The following RALB variants were observed in gnomAD, a reference collection of about 807,000 sequenced individuals.
RALB encodes the protein ras-related protein Ral-B.
A neutral mutation model predicts 21.3 loss-of-function variants in RALB; 16 were observed. That is an observed-to-expected ratio of 0.75 (90% CI 0.51 to 1.14). The LOEUF (loss-of-function observed/expected upper bound fraction) is 1.14, where lower values mean the gene tolerates loss of function less well. RALB is among the 50% of genes most tolerant of loss of function. The pLI, the probability that RALB is intolerant of heterozygous loss-of-function variation, is 0.00. For missense variants in RALB, 161 were observed against 256.2 expected (o/e 0.63, Z 2.54); for synonymous variants, 93 against 96.1 (o/e 0.97, Z 0.19).
intron 1 of RALB, among the ~76,000 whole-genome samples, chr2:120,256,514 G>A (rs1216637885): frequency 6.6e-6 from 1 of 152,080 alleles, no homozygotes; most frequent in Non-Finnish European, 1.5e-5. Flanking sequence ...TCCTGATAGT[G>A]AGTTCTCACG....
At chr2:120,250,829 C>T (rs1037950623), upstream of RALB, among the ~76,000 whole-genome samples, 13 of 152,136 alleles carry the variant, frequency 8.5e-5, 1 homozygote, top group East Asian at 5.8e-4. Context: ...CTATTGGTGT[C>T]CTGTGTGAGA....
intron 1 of RALB, among the ~76,000 whole-genome samples, chr2:120,262,406 G>T (rs1573330406): frequency 6.6e-6 from 1 of 152,178 alleles, no homozygotes; most frequent in Non-Finnish European, 1.5e-5. Flanking sequence ...CTTAGAAGAG[G>T]TGGAGGCTCT....
chr2:120,280,527 A>G (rs1010920371), intron 2 of RALB, among the ~76,000 whole-genome samples: 3 of 145,532 alleles, frequency 2.1e-5, no homozygotes, highest in East Asian at 2.1e-4. Flanking sequence ...AGGGAGGGGA[A>G]CATCACATGC....
At chr2:120,251,159 C>T (rs574584213), upstream of RALB, among the ~76,000 whole-genome samples, 175 of 152,330 alleles carry the variant, frequency 1.1e-3, no homozygotes, top group African/African-American at 3.5e-3. Context: ...GTTCCCTCAA[C>T]TATCATACCC....
At chr2:120,253,262 C>A in intron 1 of RALB, 1 of 501,424 alleles carries the variant, frequency 2.0e-6, no homozygotes, top group Non-Finnish European at 2.6e-6. Context: ...CCTTCCCTAT[C>A]CCGCAGATGG....
chr2:120,267,662 G>A (rs550491353), intron 1 of RALB, among the ~76,000 whole-genome samples: 1 of 152,342 alleles, frequency 6.6e-6, no homozygotes, highest in East Asian at 1.9e-4. Context: ...TCCAGAAGCG[G>A]CAGCTGCTCC....
intron 1 of RALB, among the ~76,000 whole-genome samples, chr2:120,247,017 C>A (rs1383878712): frequency 1.3e-5 from 2 of 152,202 alleles, no homozygotes; most frequent in Non-Finnish European, 2.9e-5. Context: ...ACTTGAATCT[C>A]ATTTTATCTC....
At chr2:120,279,559 G>A (rs1159257610) in intron 2 of RALB, among the ~76,000 whole-genome samples, 1 of 152,176 alleles carries the variant, frequency 6.6e-6, no homozygotes, top group Non-Finnish European at 1.5e-5. Flanking sequence ...GTAATCTAGA[G>A]ATGATTTAAA....
chr2:120,282,897 T>C (rs949509636), intron 2 of RALB, among the ~76,000 whole-genome samples: 1 of 152,208 alleles, frequency 6.6e-6, no homozygotes. Context: ...ATTGTGCATT[T>C]GAAATGTGGC....
chr2:120,258,294 A>T (rs1462169188), intron 1 of RALB, among the ~76,000 whole-genome samples: 1 of 152,056 alleles, frequency 6.6e-6, no homozygotes, highest in Non-Finnish European at 1.5e-5. Context: ...TCTGCTGCAG[A>T]TAGCTGTGAA....
intron 1 of RALB, among the ~76,000 whole-genome samples, chr2:120,269,610 A>G (rs765092732): frequency 6.6e-6 from 1 of 152,194 alleles, no homozygotes; most frequent in Non-Finnish European, 1.5e-5. Flanking sequence ...GGTGCGTTTT[A>G]CAATCCTAGC....
upstream of RALB, among the ~76,000 whole-genome samples, chr2:120,251,879 G>A (rs1233336703): frequency 6.6e-6 from 1 of 152,134 alleles, no homozygotes; most frequent in Non-Finnish European, 1.5e-5. Flanking sequence ...CTGATGGAGG[G>A]ACTGGATCTG....
chr2:120,267,106 A>G (rs1348238705), intron 1 of RALB, among the ~76,000 whole-genome samples: 1 of 152,230 alleles, frequency 6.6e-6, no homozygotes, highest in East Asian at 1.9e-4. Context: ...GCACAGAGGT[A>G]CAGACCAGAA....
intron 1 of RALB, among the ~76,000 whole-genome samples, chr2:120,264,895 C>T (rs1407158069): frequency 2.0e-5 from 3 of 152,164 alleles, no homozygotes; most frequent in African/African-American, 4.8e-5. Context: ...CTTAGTATAA[C>T]GTCTTTAAGG....
chr2:120,278,727 C>T lies in RALB; in HGVS notation c.63C>T (p.Gly21=). 5.6e-6 allele frequency: 9 copies of T among 1,595,000 alleles called. No individual in the cohort carries two copies. Among genetic ancestry groups the T allele is most frequent in the East Asian group, 2.3e-5 (1 of 43,468 alleles). ...CCCTCCACAAGGTGATCATGGTTGG[C>T]AGCGGAGGCGTTGGCAAGTCAGCCC... The part of the protein sequence containing the change: ...SLALHKVIMV[G]SGGVGKSALT... Residue 21 remains glycine (G), a synonymous_variant, in exon 2 of 5, where the codon GGC becomes GGT. Transcript: ENST00000272519.
At chr2:120,270,319 C>G (rs1689630773) in intron 1 of RALB, among the ~76,000 whole-genome samples, 1 of 152,088 alleles carries the variant, frequency 6.6e-6, no homozygotes, top group South Asian at 2.1e-4. Context: ...AAAAAAATAA[C>G]AGGAAGTTGA....
chr2:120,246,834 T>G (rs371984385), intron 1 of RALB, among the ~76,000 whole-genome samples: 172 of 148,444 alleles, frequency 1.2e-3, no homozygotes, highest in African/African-American at 4.0e-3. Flanking sequence ...CCGCTGCGTC[T>G]GGTGTGGAGG....
chr2:120,291,153 C>T (rs762819434), intron 4 of RALB, among the ~76,000 whole-genome samples: 9 of 152,086 alleles, frequency 5.9e-5, no homozygotes, highest in African/African-American at 9.7e-5. Context: ...AGACGCACTT[C>T]GGCAAGATAC....
intron 1 of RALB, among the ~76,000 whole-genome samples, chr2:120,259,543 C>G (rs1228318243): frequency 6.6e-6 from 1 of 152,242 alleles, no homozygotes; most frequent in Non-Finnish European, 1.5e-5. Flanking sequence ...ACGTCCTCAC[C>G]AGAGCAGCTA....
Sources: gnomAD v4.1 joint callset for allele counts (sites outside exome capture counted in the v4.1 genomes callset) on GRCh38, gnomAD v4.1.1 for gene constraint, MANE v1.5 for transcripts, NCBI Gene and HGNC (gene_info 2026-07-23, HGNC 2026-07-21) for gene names.